The following TLL1 variants were observed in gnomAD, a reference collection of about 807,000 sequenced individuals.
TLL1 encodes the protein tolloid-like protein 1.
TLL1 carries 49 observed loss-of-function variants against 128.2 expected under a neutral mutation model. The ratio of observed to expected loss-of-function variants is 0.38; its 90% CI spans 0.30 to 0.48. The LOEUF (loss-of-function observed/expected upper bound fraction) is 0.48, where lower values mean the gene tolerates loss of function less well. Ranked by LOEUF, TLL1 falls within the 20% of genes least tolerant of loss-of-function variation. The pLI is 0.96. For missense variants in TLL1, 1,123 were observed against 1,242.0 expected, an observed-to-expected ratio of 0.90 and a Z score of 1.44; for synonymous variants, 454 against 418.8, an observed-to-expected ratio of 1.08 and a Z score of -1.03.
At chr4:165,922,914 C>A (rs1733098445) in intron 1 of TLL1, among the ~76,000 whole-genome samples, 1 of 152,152 alleles carries the variant, frequency 6.6e-6, no homozygotes, top group Non-Finnish European at 1.5e-5. Flanking sequence ...CTTGAGATTT[C>A]TTTGTTTACC....
At chr4:166,068,764 G>A (rs1177809198) in intron 16 of TLL1, among the ~76,000 whole-genome samples, 1 of 151,804 alleles carries the variant, frequency 6.6e-6, no homozygotes, top group Non-Finnish European at 1.5e-5. Context: ...ACGACAACAG[G>A]AAAATCGTAA....
At chr4:165,990,602 G>A (rs371829505) in intron 2 of TLL1, among the ~76,000 whole-genome samples, 22 of 152,078 alleles carry the variant, frequency 1.4e-4, no homozygotes, top group Admixed American at 5.3e-4. Flanking sequence ...TGTGTGTTGT[G>A]TGTGTGTGCA....
At chr4:165,894,445 G>T (rs2110838134) in intron 1 of TLL1, among the ~76,000 whole-genome samples, 1 of 152,194 alleles carries the variant, frequency 6.6e-6, no homozygotes, top group Middle Eastern at 3.4e-3. Context: ...TGAAAGAAAT[G>T]CACTGTCAAC....
chr4:166,002,479 C>T (rs112126695), intron 5 of TLL1, among the ~76,000 whole-genome samples: 2,046 of 152,138 alleles, frequency 0.013, 44 homozygotes, highest in African/African-American at 0.047. Flanking sequence ...GGGTCTTACT[C>T]TGTTGCTCAG....
Position 166,091,356 on chromosome 4 carries a change from G to A in TLL1, c.2656+15G>A, listed in dbSNP as rs1341850324. On this transcript the variant is annotated intron_variant, in intron 19 of 20. Transcript: ENST00000061240. Reference sequence around the variant, plus strand: ...ACATTCTACAGGTCAGCAAATTCAAGTCATGCTTCTCTTTTTTGACTGAGA... The same window carrying A: ...ACATTCTACAGGTCAGCAAATTCAAATCATGCTTCTCTTTTTTGACTGAGA... 1.2e-6 allele frequency: 2 copies of A among 1,605,862 alleles called. No homozygotes were observed.
At chr4:165,936,776 T>A (rs1240572255) in intron 1 of TLL1, among the ~76,000 whole-genome samples, 1 of 151,712 alleles carries the variant, frequency 6.6e-6, no homozygotes, top group Non-Finnish European at 1.5e-5. Context: ...AAAAATAATT[T>A]TAAAAAATTG....
intron 8 of TLL1, 67 bp downstream of exon 8, chr4:166,014,627 T>C (rs1737853533): frequency 1.9e-6 from 3 of 1,599,558 alleles, no homozygotes; most frequent in Non-Finnish European, 2.6e-6. Context: ...GAATAAGCCA[T>C]GATTTACTCA....
intron 16 of TLL1, among the ~76,000 whole-genome samples, chr4:166,071,377 T>C (rs770266902): frequency 6.6e-6 from 1 of 151,934 alleles, no homozygotes; most frequent in Non-Finnish European, 1.5e-5. Flanking sequence ...CTTTTCTTTA[T>C]CTTCCATGAA....
intron 1 of TLL1, among the ~76,000 whole-genome samples, chr4:165,882,052 A>T (rs1046465504): frequency 6.6e-6 from 1 of 152,212 alleles, no homozygotes; most frequent in African/African-American, 2.4e-5. Flanking sequence ...TATGTAAATT[A>T]TGTGTGAATG....
chr4:165,919,511 T>C (rs896680149), intron 1 of TLL1, among the ~76,000 whole-genome samples: 3 of 152,082 alleles, frequency 2.0e-5, no homozygotes, highest in African/African-American at 7.2e-5. Context: ...ATAGACAATA[T>C]AATTCATATA....
At chr4:165,950,946 G>A (rs1734483287) in intron 1 of TLL1, among the ~76,000 whole-genome samples, 1 of 151,970 alleles carries the variant, frequency 6.6e-6, no homozygotes, top group Admixed American at 6.6e-5. Context: ...AGACATTAGA[G>A]AAAAATCAAT....
chr4:166,085,503 A>C lies in TLL1; in HGVS notation c.2443-5625A>C, dbSNP rs192822140. The stretch of plus-strand genomic sequence containing the variant: ...TTTTTTTTATCATGAAAGGATGTTG[A>C]ATTTGCCAAATGCTTTTTTCTATTA... On this transcript the variant is annotated intron_variant, in intron 18 of 20. Transcript: ENST00000061240. 7.3e-5 allele frequency among the ~76,000 whole-genome samples: 11 copies of C among 151,718 alleles called. No homozygotes were observed. The East Asian group carries it at 1.2e-3, about 16-fold the overall frequency.
intron 7 of TLL1, 45 bp from the exon 8 acceptor site, chr4:166,014,391 T>G: frequency 6.2e-7 from 1 of 1,610,496 alleles, no homozygotes; most frequent in Non-Finnish European, 8.5e-7. Context: ...ATTCATGAGT[T>G]TTCATTTGGT....
At chr4:165,973,280 A>G (rs1306508208) in intron 1 of TLL1, among the ~76,000 whole-genome samples, 1 of 151,996 alleles carries the variant, frequency 6.6e-6, no homozygotes, top group East Asian at 1.9e-4. Flanking sequence ...ATCTTAAAGC[A>G]TGTTTACGTT....
At chr4:166,079,953 T>A (rs1415858627) in intron 18 of TLL1, among the ~76,000 whole-genome samples, 1 of 152,206 alleles carries the variant, frequency 6.6e-6, no homozygotes, top group Non-Finnish European at 1.5e-5. Flanking sequence ...GCATTCTTTA[T>A]CTCTATTACC....
At chr4:165,975,812 T>C (rs991104692) in intron 1 of TLL1, among the ~76,000 whole-genome samples, 1 of 151,254 alleles carries the variant, frequency 6.6e-6, no homozygotes, top group African/African-American at 2.4e-5. Context: ...CTGAGGCGGG[T>C]GGATCACATG....
chr4:165,897,662 C>CTTTT (rs951819686), intron 1 of TLL1, among the ~76,000 whole-genome samples: 838 of 47,530 alleles, frequency 0.018, 91 homozygotes, highest in African/African-American at 0.066. Context: ...GGTAGTCCAG[C>CTTTT]TTTTTTTTTT....
At chr4:165,986,697 C>T (rs1298116712) in intron 1 of TLL1, among the ~76,000 whole-genome samples, 3 of 151,042 alleles carry the variant, frequency 2.0e-5, no homozygotes, top group South Asian at 2.1e-4. Context: ...GGTGCCCTTT[C>T]TTCTCCCCAG....
chr4:165,954,745 C>A, intron 1 of TLL1, among the ~76,000 whole-genome samples: 1 of 152,018 alleles, frequency 6.6e-6, no homozygotes, highest in East Asian at 1.9e-4. Flanking sequence ...TGACTGCACT[C>A]AATATAAACT....
Sources: gnomAD v4.1 joint callset for allele counts (sites outside exome capture counted in the v4.1 genomes callset) on GRCh38, gnomAD v4.1.1 for gene constraint, MANE v1.5 for transcripts, NCBI Gene and HGNC (gene_info 2026-07-23, HGNC 2026-07-21) for gene names.